MYO3B: variants seen among roughly 807,000 people sequenced by gnomAD.
The protein encoded by MYO3B is myosin IIIB.
A neutral mutation model predicts 174.6 loss-of-function variants in MYO3B; 156 were observed. That is an observed-to-expected ratio of 0.89 (90% confidence interval 0.78 to 1.02). The LOEUF (loss-of-function observed/expected upper bound fraction) is 1.02. Ranked by LOEUF, MYO3B falls within the 50% of genes least tolerant of loss-of-function variation. The pLI, the probability that MYO3B is intolerant of heterozygous loss-of-function variation, is 0.00. For missense variants in MYO3B, 1,632 were observed against 1,639.4 expected (o/e 1.00, Z 0.08); for synonymous variants, 563 against 569.1 (o/e 0.99, Z 0.15).
At chr2:170,409,906 A>T (rs10497369) in intron 22 of MYO3B, among the ~76,000 whole-genome samples, 24,639 of 152,238 alleles carry the variant, frequency 0.16, 2,263 homozygotes, top group East Asian at 0.36. Flanking sequence ...TAAAACGTTC[A>T]TAGTCTATAT....
chr2:170,200,494 G>T (rs1310897394), intron 3 of MYO3B, among the ~76,000 whole-genome samples: 1 of 152,176 alleles, frequency 6.6e-6, no homozygotes, highest in Non-Finnish European at 1.5e-5. Context: ...TGCTTCAGAG[G>T]TTTAATAATC....
chr2:170,292,174 A>AT (rs971859484), intron 7 of MYO3B, among the ~76,000 whole-genome samples: 3 of 151,526 alleles, frequency 2.0e-5, no homozygotes, highest in African/African-American at 4.8e-5. Context: ...AAGCTCACTG[A>AT]TTTTTTTTCT....
rs796740941 is a variant in MYO3B at position 170,427,507 on chromosome 2, G to A, written c.2651-16460G>A. Among the ~76,000 whole-genome samples, 8 of 152,066 alleles carry A rather than the reference G, an allele frequency of 5.3e-5. No individual in the cohort carries two copies. In the South Asian group the frequency reaches 8.3e-4, roughly 16 times the overall value. ...TTCTGGGCACTGGCGTTTTATGAAC[G>A]GGTTATACATATATCTATAAGAAAT... On this transcript the variant is annotated intron_variant, in intron 22 of 34. Coordinates refer to ENST00000408978, the MANE Select transcript of MYO3B (RefSeq NM_138995.5).
At chr2:170,589,069 A>G (rs1430762987) in intron 32 of MYO3B, among the ~76,000 whole-genome samples, 1 of 152,184 alleles carries the variant, frequency 6.6e-6, no homozygotes, top group Non-Finnish European at 1.5e-5. Context: ...GAACAAGAAC[A>G]TGTAGCTGAA....
chr2:170,489,500 A>T (rs1473900976), intron 25 of MYO3B, among the ~76,000 whole-genome samples: 1 of 152,196 alleles, frequency 6.6e-6, no homozygotes, highest in Non-Finnish European at 1.5e-5. Context: ...ACAACCTTCT[A>T]CCATTTATGG....
intron 12 of MYO3B, 45 bp downstream of exon 12, chr2:170,383,859 ATGT>A (rs762494222): frequency 1.4e-6 from 2 of 1,474,112 alleles, no homozygotes; most frequent in Non-Finnish European, 1.9e-6. Context: ...CAGTTAAGAC[ATGT>A]TGTGTCTTCC....
chr2:170,634,807 A>G (rs1697326769), intron 32 of MYO3B, among the ~76,000 whole-genome samples: 1 of 152,258 alleles, frequency 6.6e-6, no homozygotes, highest in Non-Finnish European at 1.5e-5. Flanking sequence ...TGGGCAAAGG[A>G]TATGAACAGA....
At chr2:170,198,790 T>C (rs2092628652) in intron 1 of MYO3B, among the ~76,000 whole-genome samples, 1 of 152,142 alleles carries the variant, frequency 6.6e-6, no homozygotes, top group Non-Finnish European at 1.5e-5. Context: ...CCAGTGTCTA[T>C]CAGGGAGCCC....
rs1389067011 is a variant in MYO3B, at chr2:170,489,679, G to GTGTGTGTGTGTGTGTC, written c.3015-8911_3015-8910insTGTGTGTGTGTGTCTG. On this transcript the variant is annotated intron_variant, in intron 25 of 34. Transcript: ENST00000408978. ...TGTGTGTGTGTGTGTCTGGGTAAGT[G>GTGTGTGTGTGTGTGTC]TGGGTAAGTGTGGGTAAGTGTGTGT... Among the ~76,000 whole-genome samples the GTGTGTGTGTGTGTGTC allele has an allele frequency of 4.2e-5, 6 of 141,956 alleles. No homozygotes were observed. In the South Asian group the frequency reaches 1.1e-3, roughly 27 times the overall value. 93.1% of individuals were successfully genotyped at this position (141,956 alleles called of 152,430 possible).
chr2:170,529,753 A>C (rs1379757798), intron 30 of MYO3B, among the ~76,000 whole-genome samples: 1 of 152,228 alleles, frequency 6.6e-6, no homozygotes, highest in Non-Finnish European at 1.5e-5. Flanking sequence ...TCAAGTGGAA[A>C]ATATTGCAGG....
At chr2:170,641,858 T>TGGGG (rs71008706) in intron 32 of MYO3B, among the ~76,000 whole-genome samples, 6 of 28,860 alleles carry the variant, frequency 2.1e-4, no homozygotes, top group Admixed American at 5.0e-4. Context: ...TATTGTTAAG[T>TGGGG]GGGGGGGGGG....
chr2:170,636,570 G>C (rs1697503330), intron 32 of MYO3B, among the ~76,000 whole-genome samples: 1 of 151,748 alleles, frequency 6.6e-6, no homozygotes, highest in African/African-American at 2.4e-5. Flanking sequence ...CTCTCTGCTG[G>C]GTCCCCATCT....
chr2:170,297,241 C>T (rs1408762452), intron 7 of MYO3B, among the ~76,000 whole-genome samples: 1 of 151,652 alleles, frequency 6.6e-6, no homozygotes, highest in Non-Finnish European at 1.5e-5. Flanking sequence ...AGATTTTTTC[C>T]CCCCAATACC....
At chr2:170,315,549 G>A (rs919875281) in intron 7 of MYO3B, among the ~76,000 whole-genome samples, 3 of 152,014 alleles carry the variant, frequency 2.0e-5, no homozygotes, top group South Asian at 2.1e-4. Flanking sequence ...CAGGTGACCC[G>A]CCTGTCTCAG....
chr2:170,464,277 A>G (rs894161955), intron 24 of MYO3B, among the ~76,000 whole-genome samples: 1 of 140,320 alleles, frequency 7.1e-6, no homozygotes, highest in African/African-American at 2.6e-5. Context: ...TGAACCTGGG[A>G]GGTGGAGGTT....
chr2:170,205,517 A>G lies in MYO3B; in HGVS notation c.321+5233A>G, dbSNP rs186461104. On this transcript the variant is annotated intron_variant, in intron 3 of 34. Transcript: ENST00000408978. ...TGATGAAGGTTCTGTTGTGCTTTGC[A>G]TCCCTATTACTGCCTTTCCTTTAGA... 4.6e-4 allele frequency among the ~76,000 whole-genome samples: 70 copies of G among 152,314 alleles called. No individual in the cohort carries two copies. The East Asian group carries it at 6.5e-3, about 14-fold the overall frequency.
At chr2:170,218,070 C>A (rs2092850406) in intron 6 of MYO3B, among the ~76,000 whole-genome samples, 1 of 152,136 alleles carries the variant, frequency 6.6e-6, no homozygotes, top group African/African-American at 2.4e-5. Context: ...CAAATGGGTT[C>A]TTTTAATAAA....
At chr2:170,517,989 TTGTGTGTG>T (rs10606302) in intron 29 of MYO3B, among the ~76,000 whole-genome samples, 16 of 149,394 alleles carry the variant, frequency 1.1e-4, no homozygotes, top group Non-Finnish European at 1.3e-4. Context: ...GCCATAATGT[TTGTGTGTG>T]TGTGTGTGTG....
intron 8 of MYO3B, among the ~76,000 whole-genome samples, chr2:170,368,886 A>C (rs964196047): frequency 6.6e-6 from 1 of 152,222 alleles, no homozygotes; most frequent in Admixed American, 6.5e-5. Flanking sequence ...ACTTGACTCC[A>C]CTGAAAATAT....
Sources: gnomAD v4.1 joint callset for allele counts (sites outside exome capture counted in the v4.1 genomes callset) on GRCh38, gnomAD v4.1.1 for gene constraint, MANE v1.5 for transcripts, NCBI Gene and HGNC (gene_info 2026-07-23, HGNC 2026-07-21) for gene names.